GPC5: variants seen among roughly 807,000 people sequenced by gnomAD.
GPC5 encodes glypican 5.
In GPC5, 47 loss-of-function variants were observed where a neutral mutation model predicts 53.9. That is an observed-to-expected ratio of 0.87 (90% CI 0.69 to 1.11). GPC5 has a LOEUF of 1.11. Among genes scored for constraint, GPC5 ranks in the 50% most tolerant of loss-of-function variants. The pLI is 0.00. For missense variants in GPC5, 748 were observed against 713.1 expected, an observed-to-expected ratio of 1.05 and a Z score of -0.56; for synonymous variants, 286 against 263.3, an observed-to-expected ratio of 1.09 and a Z score of -0.84.
At chr13:91,908,529 T>A (rs1399110676) in intron 6 of GPC5, among the ~76,000 whole-genome samples, 27 of 152,296 alleles carry the variant, frequency 1.8e-4, no homozygotes, top group Non-Finnish European at 1.8e-4. Flanking sequence ...ACCTTTTATA[T>A]GTTATCTTAT....
chr13:91,405,226 T>C (rs1030933174), intron 1 of GPC5, among the ~76,000 whole-genome samples: 1 of 152,170 alleles, frequency 6.6e-6, no homozygotes, highest in Non-Finnish European at 1.5e-5. Flanking sequence ...CCATTGACAT[T>C]GGGGGATTGG....
At chr13:92,468,838 C>T (rs1480634843) in intron 7 of GPC5, among the ~76,000 whole-genome samples, 1 of 152,038 alleles carries the variant, frequency 6.6e-6, no homozygotes, top group African/African-American at 2.4e-5. Flanking sequence ...CATCCTGTAC[C>T]CATTCCCTCT....
At chr13:91,792,571 T>A (rs2037983116) in intron 5 of GPC5, among the ~76,000 whole-genome samples, 1 of 152,220 alleles carries the variant, frequency 6.6e-6, no homozygotes, top group Admixed American at 6.5e-5. Context: ...CATTTGTTGA[T>A]GGCTCATTCA....
In GPC5 at chr13:91,658,887, C is replaced by A. The variant is rs577424614; in HGVS notation, c.326-34300C>A. On this transcript the variant is annotated intron_variant, in intron 2 of 7. Coordinates refer to ENST00000377067, the MANE Select transcript of GPC5 (RefSeq NM_004466.6). ...CTGATCTTTAGATCTCAGCTCATGA[C>A]ACTAGTGGCAGAAACAATTTCCTTG... 5.9e-5 allele frequency among the ~76,000 whole-genome samples: 9 copies of A among 152,170 alleles called. No homozygotes were observed. The East Asian group carries it at 1.2e-3, about 20-fold the overall frequency.
intron 7 of GPC5, among the ~76,000 whole-genome samples, chr13:92,749,510 T>C (rs1412152170): frequency 6.6e-6 from 1 of 152,140 alleles, no homozygotes; most frequent in East Asian, 1.9e-4. Flanking sequence ...TTCTGTTTGA[T>C]TTTTTGATGG....
chr13:92,096,247 C>T (rs1054475501), intron 6 of GPC5, among the ~76,000 whole-genome samples: 2 of 152,230 alleles, frequency 1.3e-5, no homozygotes, highest in African/African-American at 4.8e-5. Flanking sequence ...TCCACTAACT[C>T]TCCCCCTTAG....
chr13:91,789,457 C>A (rs2037929460), intron 5 of GPC5, among the ~76,000 whole-genome samples: 1 of 152,018 alleles, frequency 6.6e-6, no homozygotes, highest in Non-Finnish European at 1.5e-5. Context: ...AAAATAAAAA[C>A]AATTTTTCCA....
intron 7 of GPC5, among the ~76,000 whole-genome samples, chr13:92,521,131 A>G (rs1881026855): frequency 6.6e-6 from 1 of 152,212 alleles, no homozygotes; most frequent in African/African-American, 2.4e-5. Flanking sequence ...AAAAGAGGAT[A>G]TAAACAAGTG....
chr13:92,458,238 T>A (rs1377509011), intron 7 of GPC5, among the ~76,000 whole-genome samples: 8 of 150,758 alleles, frequency 5.3e-5, no homozygotes, highest in Admixed American at 4.6e-4. Context: ...GAATGTTCAT[T>A]GTACTTATTT....
At chr13:92,729,313 T>C (rs1234222028) in intron 7 of GPC5, among the ~76,000 whole-genome samples, 1 of 151,382 alleles carries the variant, frequency 6.6e-6, no homozygotes, top group Admixed American at 6.6e-5. Context: ...CGCTATTCAA[T>C]GTGGTAGCCA....
intron 2 of GPC5, among the ~76,000 whole-genome samples, chr13:91,648,891 G>A (rs1006286052): frequency 2.0e-5 from 3 of 152,150 alleles, no homozygotes; most frequent in Admixed American, 6.6e-5. Flanking sequence ...CAAGAGTGTG[G>A]ACTCTGAATA....
intron 6 of GPC5, among the ~76,000 whole-genome samples, chr13:91,919,867 T>A (rs1448513885): frequency 6.6e-6 from 1 of 152,210 alleles, no homozygotes; most frequent in Non-Finnish European, 1.5e-5. Flanking sequence ...AATGCTGGCA[T>A]GCCAGTACAC....
intron 2 of GPC5, among the ~76,000 whole-genome samples, chr13:91,632,100 A>G (rs2034171834): frequency 1.3e-5 from 2 of 152,188 alleles, no homozygotes; most frequent in Admixed American, 6.6e-5. Context: ...CACTGTGGAG[A>G]GATGTCCTTT....
At chr13:92,828,824 CTG>C (rs1460006271) in intron 7 of GPC5, among the ~76,000 whole-genome samples, 1 of 152,078 alleles carries the variant, frequency 6.6e-6, no homozygotes, top group Admixed American at 6.6e-5. Context: ...ATAATAAACA[CTG>C]GAGACTCCAA....
chr13:92,130,997 C>A (rs2041738615), intron 6 of GPC5, among the ~76,000 whole-genome samples: 1 of 151,774 alleles, frequency 6.6e-6, no homozygotes, highest in African/African-American at 2.4e-5. Flanking sequence ...TCTTAAAAAT[C>A]AATTTGAAAA....
intron 7 of GPC5, among the ~76,000 whole-genome samples, chr13:92,862,634 T>TAGAC (rs1317207925): frequency 1.4e-5 from 2 of 142,088 alleles, no homozygotes; most frequent in African/African-American, 6.0e-5. Flanking sequence ...GACAGATAGA[T>TAGAC]AGATAGATAG....
At chr13:92,139,984 A>G (rs2041818148) in intron 6 of GPC5, among the ~76,000 whole-genome samples, 1 of 152,216 alleles carries the variant, frequency 6.6e-6, no homozygotes, top group African/African-American at 2.4e-5. Context: ...TACCTTTGAG[A>G]AATTTATTAC....
intron 7 of GPC5, among the ~76,000 whole-genome samples, chr13:92,258,836 G>T (rs2139138473): frequency 6.6e-6 from 1 of 152,266 alleles, no homozygotes; most frequent in Non-Finnish European, 1.5e-5. Context: ...CCAACTACAT[G>T]GGAGGCTTAG....
chr13:91,897,027 T>C (rs72633706), intron 5 of GPC5, among the ~76,000 whole-genome samples: 8 of 151,578 alleles, frequency 5.3e-5, no homozygotes, highest in Non-Finnish European at 7.4e-5. Context: ...CCTCTTCTTC[T>C]TCCTCCTCCT....
Sources: gnomAD v4.1 joint callset for allele counts (sites outside exome capture counted in the v4.1 genomes callset) on GRCh38, gnomAD v4.1.1 for gene constraint, MANE v1.5 for transcripts, NCBI Gene and HGNC (gene_info 2026-07-23, HGNC 2026-07-21) for gene names.